The following LRCH1 variants were observed in gnomAD, a reference collection of about 807,000 sequenced individuals.
LRCH1 encodes the protein leucine rich repeats and calponin homology domain containing 1.
LRCH1 carries 23 observed loss-of-function variants against 94.9 expected under a neutral mutation model. The ratio of observed to expected loss-of-function variants is 0.24; its 90% confidence interval spans 0.17 to 0.34. LRCH1 has a LOEUF of 0.34. Ranked by LOEUF, LRCH1 falls within the 10% of genes least tolerant of loss-of-function variation. The pLI, the probability that LRCH1 is intolerant of heterozygous loss-of-function variation, is 1.00. For synonymous variants in LRCH1, 364 were observed against 354.9 expected, an observed-to-expected ratio of 1.03 and a Z score of -0.29; for missense variants, 790 against 945.9, an observed-to-expected ratio of 0.84 and a Z score of 2.16.
intron 2 of LRCH1, among the ~76,000 whole-genome samples, chr13:46,664,643 C>T (rs747790162): frequency 2.0e-5 from 3 of 152,154 alleles, no homozygotes; most frequent in African/African-American, 4.8e-5. Context: ...TTAAGCAACA[C>T]GTGGCTGTAA....
intron 1 of LRCH1, among the ~76,000 whole-genome samples, chr13:46,617,132 C>CAAT (rs1423894094): frequency 6.6e-6 from 1 of 152,156 alleles, no homozygotes; most frequent in Non-Finnish European, 1.5e-5. Context: ...AGAGGCCTGA[C>CAAT]AATAACACAG....
At position 46,642,036 on chromosome 13, in the gene LRCH1, G is replaced by A. The variant is rs1030928582; in HGVS notation, c.308-8165G>A. 3.9e-5 allele frequency among the ~76,000 whole-genome samples: 6 copies of A among 152,348 alleles called. No homozygotes were observed. The South Asian group carries it at 1.2e-3, about 32-fold the overall frequency. ...GCACAGATAGAGCTGTGGTGGCCCA[G>A]CTCCACGCTGCAGAGCCAGACCTAG... On this transcript the variant is annotated intron_variant, in intron 1 of 19. Transcript: ENST00000389797.
At chr13:46,674,092 ACT>A (rs2051639651) in intron 3 of LRCH1, among the ~76,000 whole-genome samples, 1 of 151,824 alleles carries the variant, frequency 6.6e-6, no homozygotes, top group Non-Finnish European at 1.5e-5. Flanking sequence ...AGAATTGTGA[ACT>A]CTCTTTTTTT....
At chr13:46,631,027 T>C (rs1459365647) in intron 1 of LRCH1, among the ~76,000 whole-genome samples, 1 of 152,204 alleles carries the variant, frequency 6.6e-6, no homozygotes, top group Non-Finnish European at 1.5e-5. Context: ...TCCCCACCCC[T>C]TCCTGTCTGA....
At chr13:46,738,207 T>TG (rs1400968612) in intron 19 of LRCH1, among the ~76,000 whole-genome samples, 2 of 152,228 alleles carry the variant, frequency 1.3e-5, no homozygotes, top group African/African-American at 4.8e-5. Context: ...CCTGCCTATC[T>TG]GGGCAGCTCA....
intron 2 of LRCH1, among the ~76,000 whole-genome samples, chr13:46,660,184 T>G (rs1222915726): frequency 6.6e-6 from 1 of 151,846 alleles, no homozygotes; most frequent in Non-Finnish European, 1.5e-5. Flanking sequence ...GCTAATTTTT[T>G]GTATTTTTTT....
chr13:46,610,229 T>C, intron 1 of LRCH1, among the ~76,000 whole-genome samples: 1 of 152,210 alleles, frequency 6.6e-6, no homozygotes, highest in East Asian at 1.9e-4. Context: ...TAGAAGTTAA[T>C]CATTTAGATT....
intron 1 of LRCH1, among the ~76,000 whole-genome samples, chr13:46,632,974 A>C (rs113024110): frequency 7.0e-4 from 106 of 152,366 alleles, no homozygotes; most frequent in African/African-American, 2.4e-3. Flanking sequence ...TAATGCAGCA[A>C]AAAGCTTCCA....
intron 1 of LRCH1, among the ~76,000 whole-genome samples, chr13:46,615,759 T>A (rs2050800679): frequency 6.6e-6 from 1 of 152,214 alleles, no homozygotes; most frequent in African/African-American, 2.4e-5. Flanking sequence ...TCTCCCCATA[T>A]TTCTGACATG....
At chr13:46,701,064 G>T in intron 10 of LRCH1, 57 bp from the exon 11 acceptor site, 1 of 1,032,028 alleles carries the variant, frequency 9.7e-7, no homozygotes, top group Non-Finnish European at 1.5e-6. Flanking sequence ...TAAGAAATTA[G>T]ATGATATTCA....
chr13:46,711,871 G>A (rs372599431), intron 14 of LRCH1, 27 bp downstream of exon 14: 7 of 1,578,200 alleles, frequency 4.4e-6, no homozygotes, highest in East Asian at 2.2e-5. Context: ...TTAATGGAAG[G>A]TGAGGTGTTT....
At chr13:46,652,910 GTATAT>G (rs2051325496) in intron 2 of LRCH1, among the ~76,000 whole-genome samples, 1 of 152,200 alleles carries the variant, frequency 6.6e-6, no homozygotes, top group Admixed American at 6.5e-5. Context: ...ATCTTAAAAT[GTATAT>G]TATATTTTTA....
chr13:46,580,375 G>A (rs2050351253), intron 1 of LRCH1, among the ~76,000 whole-genome samples: 1 of 152,126 alleles, frequency 6.6e-6, no homozygotes, highest in Admixed American at 6.5e-5. Context: ...GATAATGAGG[G>A]AATGAAATTA....
chr13:46,647,112 CAAAA>C (rs61648661), intron 1 of LRCH1, among the ~76,000 whole-genome samples: 8 of 84,456 alleles, frequency 9.5e-5, no homozygotes, highest in African/African-American at 1.8e-4. Context: ...GACTCCAACT[CAAAA>C]AAAAAAAAAA....
At chr13:46,703,958 C>T (rs706620) in intron 11 of LRCH1, among the ~76,000 whole-genome samples, 118,895 of 151,956 alleles carry the variant, frequency 0.78, 46,553 homozygotes, top group African/African-American at 0.84. Flanking sequence ...ACATTCCCAA[C>T]TAACCTTCCA....
chr13:46,748,366 A>G (rs1464897596), downstream of LRCH1, among the ~76,000 whole-genome samples: 2 of 152,054 alleles, frequency 1.3e-5, no homozygotes, highest in Non-Finnish European at 2.9e-5. Flanking sequence ...TCCCCAAGTA[A>G]TATCTGGCAC....
chr13:46,731,115 T>C (rs1396426365), intron 18 of LRCH1, among the ~76,000 whole-genome samples: 5 of 141,720 alleles, frequency 3.5e-5, no homozygotes, highest in East Asian at 4.2e-4. Context: ...ATGTCTTCTT[T>C]ACTATAAGCT....
intron 1 of LRCH1, among the ~76,000 whole-genome samples, chr13:46,575,798 A>T (rs1339841247): frequency 2.6e-5 from 4 of 152,042 alleles, no homozygotes; most frequent in Admixed American, 2.0e-4. Context: ...CTCTCTTTAA[A>T]TTTTTCCTGA....
intron 18 of LRCH1, among the ~76,000 whole-genome samples, chr13:46,730,444 G>A (rs777345706): frequency 2.0e-5 from 3 of 152,018 alleles, no homozygotes; most frequent in African/African-American, 4.8e-5. Context: ...AAGCTCCTCC[G>A]CCCTCTCCCA....
Sources: gnomAD v4.1 joint callset for allele counts (sites outside exome capture counted in the v4.1 genomes callset) on GRCh38, gnomAD v4.1.1 for gene constraint, MANE v1.5 for transcripts, NCBI Gene and HGNC (gene_info 2026-07-23, HGNC 2026-07-21) for gene names.